Variants in SBF2 observed in about 807,000 individuals in gnomAD.
SBF2 encodes the protein SET binding factor 2, also known as myotubularin-related protein 13.
SBF2 carries 112 observed loss-of-function variants against 225.2 expected under a neutral mutation model. The observed-to-expected ratio is 0.50, with a 90% CI of 0.43 to 0.58. The LOEUF is 0.58. Ranked by LOEUF, SBF2 falls within the 20% of genes least tolerant of loss-of-function variation. The pLI is 0.00. For missense variants in SBF2, 1,996 were observed against 2,206.2 expected, an observed-to-expected ratio of 0.90 and a Z score of 1.91; for synonymous variants, 763 against 773.3, an observed-to-expected ratio of 0.99 and a Z score of 0.22.
At chr11:10,059,279 T>C (rs556114264) in intron 2 of SBF2, among the ~76,000 whole-genome samples, 2 of 152,142 alleles carry the variant, frequency 1.3e-5, no homozygotes, top group Non-Finnish European at 2.9e-5. Context: ...ACCCATCTCA[T>C]GTGTAATGAC....
chr11:10,159,460 C>T (rs1955625397), intron 2 of SBF2, among the ~76,000 whole-genome samples: 1 of 152,198 alleles, frequency 6.6e-6, no homozygotes, highest in South Asian at 2.1e-4. Context: ...GCTGGCACCA[C>T]TCAGATCAAT....
intron 1 of SBF2, among the ~76,000 whole-genome samples, chr11:10,276,850 T>C (rs1962991760): frequency 6.6e-6 from 1 of 152,140 alleles, no homozygotes; most frequent in Non-Finnish European, 1.5e-5. Flanking sequence ...CTGGTTGTTA[T>C]CAATATAATA....
At chr11:9,884,695 A>G (rs1860112955) in intron 17 of SBF2, among the ~76,000 whole-genome samples, 1 of 152,200 alleles carries the variant, frequency 6.6e-6, no homozygotes, top group African/African-American at 2.4e-5. Context: ...TTGGCTCAGA[A>G]GAGTCCCTAT....
intron 16 of SBF2, chr11:9,957,036 T>C (rs990712533): frequency 8.1e-4 from 123 of 152,316 alleles, no homozygotes; most frequent in African/African-American, 2.8e-3. Flanking sequence ...AAAAATTTAA[T>C]ATATCAAAAG....
intron 28 of SBF2, chr11:9,828,396 A>G (rs1289603170): frequency 8.1e-6 from 8 of 985,352 alleles, no homozygotes; most frequent in East Asian, 1.1e-4. Flanking sequence ...CAGAGATAAC[A>G]CACATTTGCA....
At position 9,845,621 on chromosome 11, in the gene SBF2, T is replaced by C; in HGVS notation, c.3054A>G (p.Gly1018=). ...SIFSTFAFAA[G]QTTPQIILPK... Reference sequence around the variant, plus strand: ...GTAAAATTATTTGTGGGGTAGTTTGTCCAGCAGCAAAAGCAAAGGTACTGA... The same window carrying C: ...GTAAAATTATTTGTGGGGTAGTTTGCCCAGCAGCAAAAGCAAAGGTACTGA... The change falls in exon 24 of 40, where the codon GGA becomes GGG. Residue 1018 remains glycine, a synonymous_variant. Coordinates refer to ENST00000256190, the MANE Select transcript of SBF2 (RefSeq NM_030962.4). 1 of 1,614,014 alleles carries C rather than the reference T, an allele frequency of 6.2e-7. No individual in the cohort carries two copies. The highest frequency in any genetic ancestry group is 8.5e-7 in the Non-Finnish European group (1 of 1,179,854).
At chr11:10,088,996 C>T (rs754467655) in intron 2 of SBF2, among the ~76,000 whole-genome samples, 20 of 152,140 alleles carry the variant, frequency 1.3e-4, no homozygotes, top group African/African-American at 2.2e-4. Context: ...ATTTCCATTG[C>T]TTATGAAAAT....
At chr11:10,139,005 G>A (rs1412737723) in intron 2 of SBF2, among the ~76,000 whole-genome samples, 1 of 151,948 alleles carries the variant, frequency 6.6e-6, no homozygotes, top group Non-Finnish European at 1.5e-5. Context: ...TTTAACAAAT[G>A]TGACTATGGA....
intron 17 of SBF2, among the ~76,000 whole-genome samples, chr11:9,868,337 C>CAAAAAAAAAAAAAAAAA (rs35348349): frequency 3.8e-5 from 1 of 26,374 alleles, no homozygotes; most frequent in Non-Finnish European, 5.5e-5. Context: ...TACAAAAATA[C>CAAAAAAAAAAAAAAAAA]AAAAAAAAAA....
chr11:9,833,634 A>G (rs1442369823), intron 26 of SBF2, among the ~76,000 whole-genome samples: 1 of 151,856 alleles, frequency 6.6e-6, no homozygotes, highest in East Asian at 1.9e-4. Context: ...GTTAGCCAGG[A>G]TGGTCTCGAT....
chr11:9,832,379 C>G lies in SBF2; in HGVS notation c.3497G>C (p.Ser1166Thr). The stretch of plus-strand genomic sequence containing the variant: ...GCAGCGAGCTACTCTTGGTAAACTA[C>G]TGTCCTGTACAGCTTGAGGTACGAC... The part of the protein sequence containing the change: ...LLVVPQAVQD[S>T]SLPRVARCYR... The change falls in exon 27 of 40, where the codon AGT (serine) becomes ACT (threonine). Residue 1166 changes from serine to threonine, a missense_variant. Transcript: ENST00000256190. 6.2e-7 allele frequency: 1 copy of G among 1,614,026 alleles called. No individual in the cohort carries two copies. Among genetic ancestry groups the G allele is most frequent in the Non-Finnish European group, 8.5e-7 (1 of 1,179,976 alleles).
At chr11:9,871,562 G>A (rs1288910159) in intron 17 of SBF2, among the ~76,000 whole-genome samples, 3 of 151,092 alleles carry the variant, frequency 2.0e-5, no homozygotes, top group Non-Finnish European at 4.4e-5. Context: ...CGCGATCTCG[G>A]ATCACTGCAA....
In SBF2 at chr11:10,252,593, G is replaced by A. The variant is rs921214921; in HGVS notation, c.55+41422C>T. 2.6e-5 allele frequency among the ~76,000 whole-genome samples: 4 copies of A among 152,110 alleles called. No homozygotes were observed. The East Asian group carries it at 7.7e-4, about 29-fold the overall frequency. On this transcript the variant is annotated intron_variant, in intron 1 of 39. Transcript: ENST00000256190. ...CCAAGGCGGGCAGATCACGGATCAC[G>A]AGGTCAAGAGATCGAGACCATCCTG...
At chr11:10,260,975 T>G (rs1961372621) in intron 1 of SBF2, among the ~76,000 whole-genome samples, 1 of 151,810 alleles carries the variant, frequency 6.6e-6, no homozygotes, top group Admixed American at 6.6e-5. Flanking sequence ...TAGTAACAAC[T>G]CTGTAATAAA....
At chr11:9,832,846 T>G (rs895200017) in intron 26 of SBF2, among the ~76,000 whole-genome samples, 3 of 152,248 alleles carry the variant, frequency 2.0e-5, no homozygotes, top group Non-Finnish European at 4.4e-5. Flanking sequence ...TGATCTGTAG[T>G]CTTTTTTGAA....
chr11:10,275,883 T>C (rs1252478963), intron 1 of SBF2, among the ~76,000 whole-genome samples: 1 of 152,214 alleles, frequency 6.6e-6, no homozygotes, highest in Non-Finnish European at 1.5e-5. Context: ...GATGTTTCAT[T>C]GCTGTCTCTA....
chr11:10,016,019 G>A (rs949040938), intron 6 of SBF2, among the ~76,000 whole-genome samples: 6 of 151,822 alleles, frequency 4.0e-5, no homozygotes, highest in Non-Finnish European at 7.4e-5. Flanking sequence ...TCAGGTGATC[G>A]ACCCGCCTCG....
At chr11:10,289,684 C>A (rs1048534413) in intron 1 of SBF2, among the ~76,000 whole-genome samples, 2 of 152,146 alleles carry the variant, frequency 1.3e-5, no homozygotes, top group Admixed American at 6.5e-5. Flanking sequence ...GAGCCTACCC[C>A]TGAGGCACAG....
chr11:10,098,266 T>C (rs762776633), intron 2 of SBF2, among the ~76,000 whole-genome samples: 1 of 151,660 alleles, frequency 6.6e-6, no homozygotes, highest in Non-Finnish European at 1.5e-5. Context: ...CTTTGCAGGA[T>C]TGAGAGAAGG....
Sources: gnomAD v4.1 joint callset for allele counts (sites outside exome capture counted in the v4.1 genomes callset) on GRCh38, gnomAD v4.1.1 for gene constraint, MANE v1.5 for transcripts, NCBI Gene and HGNC (gene_info 2026-07-23, HGNC 2026-07-21) for gene names.